Variants in SEL1L3 observed in about 807,000 individuals in gnomAD.
SEL1L3 encodes the protein protein sel-1 homolog 3.
Under a neutral mutation model 142.8 loss-of-function variants are expected in SEL1L3, and 76 were observed. The observed-to-expected ratio is 0.53, with a 90% CI of 0.44 to 0.64. The LOEUF is 0.64. Ranked by LOEUF, SEL1L3 falls within the 30% of genes least tolerant of loss-of-function variation. SEL1L3 has a pLI of 0.00. For synonymous variants in SEL1L3, 504 were observed against 519.6 expected (o/e 0.97, Z 0.41); for missense variants, 1,262 against 1,381.7 (o/e 0.91, Z 1.37).
chr4:25,823,241 C>T (rs576459637), intron 6 of SEL1L3, among the ~76,000 whole-genome samples: 3 of 152,306 alleles, frequency 2.0e-5, no homozygotes, highest in African/African-American at 7.2e-5. Flanking sequence ...TAATGCTGGG[C>T]ATGGTGGCTC....
the SEL1L3 span, among the ~76,000 whole-genome samples, chr4:25,725,409 G>A: frequency 4.0e-5 from 6 of 149,776 alleles, no homozygotes; most frequent in South Asian, 2.1e-4. Flanking sequence ...TCGGCCTCCC[G>A]GGATCAAGCA....
intron 6 of SEL1L3, among the ~76,000 whole-genome samples, chr4:25,828,982 TTTTTA>T (rs1375853330): frequency 6.6e-6 from 1 of 152,218 alleles, no homozygotes; most frequent in Non-Finnish European, 1.5e-5. Context: ...TACACTTATT[TTTTTA>T]TTTTAAGACA....
At chr4:25,806,227 G>C (rs1713562715) in intron 9 of SEL1L3, among the ~76,000 whole-genome samples, 1 of 151,712 alleles carries the variant, frequency 6.6e-6, no homozygotes, top group Non-Finnish European at 1.5e-5. Context: ...TTAGTAGAGA[G>C]AGGGTTTCAC....
the SEL1L3 span, among the ~76,000 whole-genome samples, chr4:25,729,249 A>G: frequency 1.3e-5 from 2 of 152,170 alleles, no homozygotes; most frequent in Non-Finnish European, 2.9e-5. Context: ...GAAGCTGTGC[A>G]CAGAGTGTCT....
At chr4:25,749,458 A>G (rs1220967151) in intron 23 of SEL1L3, among the ~76,000 whole-genome samples, 1 of 152,118 alleles carries the variant, frequency 6.6e-6, no homozygotes, top group East Asian at 1.9e-4. Flanking sequence ...GCATAGTAAA[A>G]ATGTTTGATG....
At chr4:25,767,066 T>C (rs924168112) in intron 19 of SEL1L3, among the ~76,000 whole-genome samples, 1 of 152,116 alleles carries the variant, frequency 6.6e-6, no homozygotes, top group Non-Finnish European at 1.5e-5. Flanking sequence ...CCAAGGCAGG[T>C]GGATCACCTG....
At chr4:25,810,273 C>A (rs975130688) in intron 9 of SEL1L3, among the ~76,000 whole-genome samples, 1 of 152,156 alleles carries the variant, frequency 6.6e-6, no homozygotes, top group African/African-American at 2.4e-5. Flanking sequence ...CCAGCTCCCC[C>A]CTCCCCTCTC....
At chr4:25,724,538 G>A in the SEL1L3 span, among the ~76,000 whole-genome samples, 5 of 151,852 alleles carry the variant, frequency 3.3e-5, no homozygotes, top group African/African-American at 7.2e-5. Context: ...TCAGGAAATC[G>A]AGACTATCCT....
intron 2 of SEL1L3, among the ~76,000 whole-genome samples, chr4:25,839,389 T>C (rs1347363059): frequency 1.3e-5 from 2 of 152,206 alleles, no homozygotes; most frequent in Non-Finnish European, 2.9e-5. Flanking sequence ...CAGAGATACA[T>C]GTACAGGGAT....
chr4:25,847,340 A>C lies in SEL1L3; in HGVS notation c.687T>G (p.Ile229Met). ...GAATCCTGTTTGCCCGAAGGTTCCA[A>C]ATATAACCCATGTTCCACTCAAGGC... ...QVCLEWNMGY[I>M]WNLRANRIPQ... is the part of the protein sequence containing the mutation. Residue 229 changes from isoleucine (I) to methionine (M), a missense_variant, in exon 2 of 24, where the codon ATT becomes ATG. By Grantham distance (10) the Ile-to-Met change is conservative. Transcript: ENST00000399878. 1.2e-6 allele frequency: 2 copies of C among 1,613,932 alleles called. No homozygotes were observed. Among genetic ancestry groups the C allele is most frequent in the Admixed American group, 1.7e-5 (1 of 60,020 alleles).
In SEL1L3 at chr4:25,756,937, T is replaced by C. The variant is rs549030996; in HGVS notation, c.3259+597A>G. 169 of 1,276,584 alleles carry C rather than the reference T, an allele frequency of 1.3e-4. No homozygotes were observed. The Middle Eastern group carries it at 2.6e-3, about 20-fold the overall frequency. The allele number at this position is 1,276,584 out of a possible 1,614,324, so 79.1% of individuals were successfully genotyped here. On this transcript the variant is annotated intron_variant, in intron 23 of 23. Transcript: ENST00000399878. ...ACAGATAAATTTTCAATGGAAGAAATTGTATTAGGTCAGTTTCTTAGGCTT... is the reference window on the plus strand; with the variant it reads ...ACAGATAAATTTTCAATGGAAGAAACTGTATTAGGTCAGTTTCTTAGGCTT...
chr4:25,736,831 C>CAT, the SEL1L3 span, among the ~76,000 whole-genome samples: 9 of 146,060 alleles, frequency 6.2e-5, no homozygotes, highest in Middle Eastern at 3.3e-3. Flanking sequence ...TGTTAGTGGG[C>CAT]ATATATATAT....
intron 8 of SEL1L3, among the ~76,000 whole-genome samples, chr4:25,819,207 C>T (rs529286660): frequency 2.0e-5 from 3 of 152,214 alleles, no homozygotes; most frequent in Non-Finnish European, 4.4e-5. Flanking sequence ...AGTTTTGTAA[C>T]TGATAAACAC....
chr4:25,782,140 A>G, intron 15 of SEL1L3, 102 bp downstream of exon 15: 5 of 1,000,890 alleles, frequency 5.0e-6, no homozygotes, highest in Non-Finnish European at 7.5e-6. Flanking sequence ...GAGGACAGGG[A>G]CTGTGTCTGG....
At chr4:25,844,502 C>T (rs1560352055) in intron 2 of SEL1L3, among the ~76,000 whole-genome samples, 1 of 152,182 alleles carries the variant, frequency 6.6e-6, no homozygotes, top group Non-Finnish European at 1.5e-5. Context: ...AAAAATCCCA[C>T]TGTGCTGTTC....
chr4:25,785,946 C>T (rs531519578), intron 13 of SEL1L3, among the ~76,000 whole-genome samples: 9 of 152,278 alleles, frequency 5.9e-5, no homozygotes, highest in African/African-American at 9.6e-5. Context: ...ACACTATACC[C>T]GCTATTGAGT....
intron 23 of SEL1L3, among the ~76,000 whole-genome samples, chr4:25,754,868 A>T (rs376268858): frequency 6.6e-6 from 1 of 152,004 alleles, no homozygotes; most frequent in Non-Finnish European, 1.5e-5. Flanking sequence ...TCCCCTTTAT[A>T]TTGCTGTTAG....
At chr4:25,841,313 C>G (rs1212896077) in intron 2 of SEL1L3, among the ~76,000 whole-genome samples, 1 of 152,164 alleles carries the variant, frequency 6.6e-6, no homozygotes, top group Non-Finnish European at 1.5e-5. Context: ...GGATCACAGG[C>G]GTGAGCCACT....
the SEL1L3 span, among the ~76,000 whole-genome samples, chr4:25,735,605 T>C: frequency 6.6e-6 from 1 of 152,016 alleles, no homozygotes; most frequent in Admixed American, 6.6e-5. Flanking sequence ...TGGTGGACGT[T>C]GTATCATTGA....
Sources: gnomAD v4.1 joint callset for allele counts (sites outside exome capture counted in the v4.1 genomes callset) on GRCh38, gnomAD v4.1.1 for gene constraint, MANE v1.5 for transcripts, NCBI Gene and HGNC (gene_info 2026-07-23, HGNC 2026-07-21) for gene names.